The following DLGAP2 variants were observed in gnomAD, a reference collection of about 807,000 sequenced individuals.
The protein encoded by DLGAP2 is disks large-associated protein 2.
In DLGAP2, 26 loss-of-function variants were observed where a neutral mutation model predicts 100.3. The observed-to-expected ratio is 0.26, with a 90% CI of 0.19 to 0.36. DLGAP2 has a LOEUF of 0.36. DLGAP2 is among the 10% of genes least tolerant of loss of function. DLGAP2 has a pLI of 1.00. For missense variants in DLGAP2, 1,858 were observed against 1,453.2 expected (o/e 1.28, Z -4.53); for synonymous variants, 886 against 630.1 (o/e 1.41, Z -6.08).
intron 2 of DLGAP2, among the ~76,000 whole-genome samples, chr8:919,639 G>T (rs555235151): frequency 1.3e-5 from 2 of 152,190 alleles, no homozygotes; most frequent in Non-Finnish European, 2.9e-5. Flanking sequence ...CGGTGTGCCC[G>T]GGATCCGTCC....
At chr8:1,427,638 C>T (rs190691126) in intron 3 of DLGAP2, among the ~76,000 whole-genome samples, 11 of 152,254 alleles carry the variant, frequency 7.2e-5, no homozygotes, top group African/African-American at 2.6e-4. Flanking sequence ...CTTTCCTGCT[C>T]TGTTGTCTTG....
chr8:1,424,201 T>C (rs1797178046), intron 3 of DLGAP2, among the ~76,000 whole-genome samples: 2 of 152,216 alleles, frequency 1.3e-5, no homozygotes, highest in African/African-American at 4.8e-5. Context: ...CCTCTAGAAA[T>C]TCAGCTAGTC....
chr8:1,079,380 T>C (rs1345827183), intron 2 of DLGAP2, among the ~76,000 whole-genome samples: 1 of 152,196 alleles, frequency 6.6e-6, no homozygotes, highest in Admixed American at 6.5e-5. Context: ...GTGTGTGCTG[T>C]TTTAAAATGT....
chr8:1,024,968 G>A lies in DLGAP2; in HGVS notation c.73+117002G>A, dbSNP rs185885212. On this transcript the variant is annotated intron_variant, in intron 2 of 14. Transcript: ENST00000637795. ...GTGTTGGTGTGGGTCTCTCCCTTTC[G>A]GGAGCGGCTGCCTTTTTCCACAAGA... Among the ~76,000 whole-genome samples the A allele has an allele frequency of 1.7e-3, 266 of 152,228 alleles. 5 individuals are homozygous for A. Among genetic ancestry groups the A allele is most frequent in the Admixed American group, 0.015 (233 of 15,290 alleles).
At chr8:1,257,074 G>A (rs551517127) in intron 2 of DLGAP2, among the ~76,000 whole-genome samples, 77 of 152,086 alleles carry the variant, frequency 5.1e-4, no homozygotes, top group Non-Finnish European at 1.0e-3. Context: ...GCCCGTGAAG[G>A]CAGGTGCAGT....
At chr8:1,256,051 C>G (rs1267553349) in intron 2 of DLGAP2, among the ~76,000 whole-genome samples, 3 of 124,204 alleles carry the variant, frequency 2.4e-5, no homozygotes, top group Admixed American at 8.2e-5. Context: ...TGTGTGTGTC[C>G]TCTCATCCTG....
At chr8:955,425 C>G (rs767899989) in intron 2 of DLGAP2, among the ~76,000 whole-genome samples, 5 of 152,118 alleles carry the variant, frequency 3.3e-5, no homozygotes, top group Non-Finnish European at 7.3e-5. Flanking sequence ...TCCCTCCTCC[C>G]CACTGCTGCC....
chr8:919,444 G>A (rs1393496895), intron 2 of DLGAP2, among the ~76,000 whole-genome samples: 1 of 152,094 alleles, frequency 6.6e-6, no homozygotes, highest in Non-Finnish European at 1.5e-5. Flanking sequence ...GAGTCTGTGA[G>A]TCCCCCCTGC....
chr8:1,105,233 C>G (rs564645013), intron 2 of DLGAP2, among the ~76,000 whole-genome samples: 1 of 152,194 alleles, frequency 6.6e-6, no homozygotes, highest in Non-Finnish European at 1.5e-5. Context: ...AGAAAAAGTT[C>G]TTAAAAATTA....
chr8:1,372,977 C>G (rs901923711), intron 3 of DLGAP2, among the ~76,000 whole-genome samples: 1 of 152,156 alleles, frequency 6.6e-6, no homozygotes, highest in Non-Finnish European at 1.5e-5. Context: ...TGGCCACCTA[C>G]GTGGCCACCT....
chr8:1,097,854 G>C (rs367743702), intron 2 of DLGAP2, among the ~76,000 whole-genome samples: 4,372 of 54,350 alleles, frequency 0.08, 133 homozygotes, highest in East Asian at 0.16. Context: ...GGCCTTCACC[G>C]TCTGTGGCAT....
At chr8:960,764 G>A (rs1166489088) in intron 2 of DLGAP2, among the ~76,000 whole-genome samples, 1 of 152,180 alleles carries the variant, frequency 6.6e-6, no homozygotes, top group Non-Finnish European at 1.5e-5. Context: ...TGAAAGTATT[G>A]TAAGTTGAAA....
At chr8:1,318,444 G>C (rs925730257) in intron 3 of DLGAP2, among the ~76,000 whole-genome samples, 1 of 150,054 alleles carries the variant, frequency 6.7e-6, no homozygotes, top group Non-Finnish European at 1.5e-5. Context: ...TCGTTTCTTC[G>C]TATCTAGTAT....
chr8:1,454,765 G>A (rs938075604), intron 3 of DLGAP2, among the ~76,000 whole-genome samples: 1 of 152,118 alleles, frequency 6.6e-6, no homozygotes, highest in Non-Finnish European at 1.5e-5. Flanking sequence ...CACAGAACAG[G>A]CAGGTAGAAA....
chr8:1,099,399 G>C (rs1490719579), intron 2 of DLGAP2, among the ~76,000 whole-genome samples: 1 of 152,228 alleles, frequency 6.6e-6, no homozygotes, highest in African/African-American at 2.4e-5. Flanking sequence ...TTGCTCGCAA[G>C]TTTCATTCAA....
intron 2 of DLGAP2, among the ~76,000 whole-genome samples, chr8:1,109,992 G>T (rs1220198716): frequency 1.6e-5 from 2 of 125,374 alleles, no homozygotes; most frequent in African/African-American, 6.7e-5. Context: ...TGTGAGGTGT[G>T]CATGGGTCTG....
chr8:1,127,602 C>A (rs1242248111), intron 2 of DLGAP2, among the ~76,000 whole-genome samples: 2 of 152,208 alleles, frequency 1.3e-5, no homozygotes, highest in African/African-American at 2.4e-5. Context: ...GGAGGCCAAG[C>A]ACTGAGAGGA....
At chr8:1,613,555 AG>A (rs922419698) in intron 6 of DLGAP2, among the ~76,000 whole-genome samples, 2 of 150,510 alleles carry the variant, frequency 1.3e-5, no homozygotes, top group African/African-American at 5.0e-5. Flanking sequence ...AAAAAAAAAA[AG>A]AAAAGAAAAG....
At chr8:782,110 G>T (rs749114302) in intron 1 of DLGAP2, among the ~76,000 whole-genome samples, 1 of 151,872 alleles carries the variant, frequency 6.6e-6, no homozygotes, top group Non-Finnish European at 1.5e-5. Flanking sequence ...GATGAATGAG[G>T]TGAAAGATAT....
Sources: allele counts gnomAD v4.1 joint callset (sites outside exome capture counted in the v4.1 genomes callset), GRCh38; gene constraint gnomAD v4.1.1; transcripts MANE v1.5; gene names NCBI Gene and HGNC (gene_info 2026-07-23, HGNC 2026-07-21).